Variants in SPIRE1 observed in about 807,000 individuals in gnomAD.
SPIRE1 encodes spire type actin nucleation factor 1.
A neutral mutation model predicts 94.1 loss-of-function variants in SPIRE1; 40 were observed. The ratio of observed to expected loss-of-function variants is 0.43; its 90% CI spans 0.33 to 0.55. The LOEUF is 0.55. SPIRE1 is among the 20% of genes least tolerant of loss of function. The pLI is 0.06. For missense variants in SPIRE1, 838 were observed against 975.2 expected (o/e 0.86, Z 1.87); for synonymous variants, 376 against 371.7 (o/e 1.01, Z -0.13).
intron 10 of SPIRE1, among the ~76,000 whole-genome samples, chr18:12,479,268 G>A (rs986817404): frequency 1.7e-4 from 25 of 148,292 alleles, no homozygotes; most frequent in Admixed American, 1.4e-4. Flanking sequence ...TTGAACTCCT[G>A]GGCTCAAGGA....
chr18:12,597,265 A>G (rs1408239040), intron 2 of SPIRE1, among the ~76,000 whole-genome samples: 2 of 151,664 alleles, frequency 1.3e-5, no homozygotes, highest in African/African-American at 2.4e-5. Context: ...ATAACCCCCC[A>G]AAGTTGAAAG....
chr18:12,583,378 C>T (rs371762590), intron 2 of SPIRE1, among the ~76,000 whole-genome samples: 103 of 152,218 alleles, frequency 6.8e-4, no homozygotes, highest in African/African-American at 2.1e-3. Flanking sequence ...CCAAGGCAGG[C>T]GGATCATGAG....
intron 12 of SPIRE1, 159 bp from the exon 13 acceptor site, chr18:12,454,642 C>T: frequency 1.6e-6 from 1 of 631,848 alleles, no homozygotes; most frequent in Non-Finnish European, 2.8e-6. Context: ...GGGACCACAT[C>T]ATTTCCAATT....
At chr18:12,455,146 C>T (rs1457678920) in intron 12 of SPIRE1, among the ~76,000 whole-genome samples, 2 of 152,110 alleles carry the variant, frequency 1.3e-5, no homozygotes, top group East Asian at 3.8e-4. Context: ...CCATGTTGCC[C>T]AGGCTGGTCT....
At chr18:12,501,508 C>T (rs1013458543) in intron 6 of SPIRE1, among the ~76,000 whole-genome samples, 9 of 152,188 alleles carry the variant, frequency 5.9e-5, no homozygotes, top group Admixed American at 1.3e-4. Flanking sequence ...CTCAGCCTCC[C>T]GAGTGGCTGG....
intron 6 of SPIRE1, among the ~76,000 whole-genome samples, chr18:12,503,784 G>A (rs1459973264): frequency 6.9e-6 from 1 of 144,738 alleles, no homozygotes; most frequent in East Asian, 1.9e-4. Flanking sequence ...AATACAAACA[G>A]CTAGCACAGA....
chr18:12,634,014 C>T (rs1297248078), intron 2 of SPIRE1, among the ~76,000 whole-genome samples: 3 of 152,022 alleles, frequency 2.0e-5, no homozygotes, highest in East Asian at 1.9e-4. Context: ...TTTGGGAGGC[C>T]GAGGCGGGCG....
intron 8 of SPIRE1, among the ~76,000 whole-genome samples, chr18:12,492,663 T>C (rs1416369680): frequency 3.3e-5 from 5 of 152,168 alleles, no homozygotes; most frequent in South Asian, 4.1e-4. Flanking sequence ...TTTTTTACCA[T>C]AATCCTATTT....
chr18:12,614,243 AGAGT>A (rs1321244738), intron 2 of SPIRE1, among the ~76,000 whole-genome samples: 2 of 152,246 alleles, frequency 1.3e-5, no homozygotes, highest in African/African-American at 4.8e-5. Flanking sequence ...CCTAGGCAAC[AGAGT>A]GAGAACCCAT....
intron 2 of SPIRE1, among the ~76,000 whole-genome samples, chr18:12,589,798 A>T (rs1188315762): frequency 6.6e-6 from 1 of 152,192 alleles, no homozygotes; most frequent in Non-Finnish European, 1.5e-5. Context: ...TACTCATTTT[A>T]TCTATGTCAA....
At chr18:12,491,157 C>T (rs2033219620) in intron 8 of SPIRE1, among the ~76,000 whole-genome samples, 1 of 151,202 alleles carries the variant, frequency 6.6e-6, no homozygotes, top group South Asian at 2.1e-4. Context: ...AACTATGAGA[C>T]AGAAACAAAT....
In SPIRE1 at chr18:12,479,768, C is replaced by T. The variant is rs1055985589; in HGVS notation, c.1335G>A (p.Gln445=). 4 of 1,614,038 alleles carry T rather than the reference C, an allele frequency of 2.5e-6. No individual in the cohort carries two copies. The African/African-American group carries it at 5.3e-5, about 22-fold the overall frequency. ...TKENGLSTSQ[Q]VPAQRKKLLR... is the part of the protein sequence containing the mutation. Reference sequence around the variant, plus strand: ...GGAGCTTCTTCCGCTGTGCAGGCACCTGCTGTGAGGTACTTAACCCGTTTT... The same window carrying T: ...GGAGCTTCTTCCGCTGTGCAGGCACTTGCTGTGAGGTACTTAACCCGTTTT... The change falls in exon 10 of 17, where the codon CAG becomes CAA. Residue 445 remains glutamine, a synonymous_variant. Transcript: ENST00000409402.
intron 12 of SPIRE1, chr18:12,459,802 A>G (rs2031694567): frequency 1.0e-6 from 1 of 985,920 alleles, no homozygotes; most frequent in Non-Finnish European, 1.2e-6. Flanking sequence ...CACAGATAAT[A>G]CATAGCCCCT....
At chr18:12,510,082 C>CT (rs2033984179) in intron 5 of SPIRE1, among the ~76,000 whole-genome samples, 1 of 140,226 alleles carries the variant, frequency 7.1e-6, no homozygotes, top group African/African-American at 2.7e-5. Context: ...AAGACTCCAT[C>CT]TAAAAAAAAA....
intron 4 of SPIRE1, among the ~76,000 whole-genome samples, chr18:12,518,088 G>A (rs9965591): frequency 7.3e-4 from 111 of 152,252 alleles, no homozygotes; most frequent in African/African-American, 2.4e-3. Context: ...ATGGCTCACC[G>A]CAGCCTCAAC....
At chr18:12,650,082 T>C (rs552579971) in intron 1 of SPIRE1, among the ~76,000 whole-genome samples, 33 of 151,918 alleles carry the variant, frequency 2.2e-4, no homozygotes, top group Non-Finnish European at 3.4e-4. Context: ...CTACTAAAAA[T>C]ACAAAAATTA....
intron 2 of SPIRE1, among the ~76,000 whole-genome samples, chr18:12,625,385 T>C (rs1216619602): frequency 2.6e-5 from 4 of 152,210 alleles, no homozygotes; most frequent in African/African-American, 9.7e-5. Flanking sequence ...AAGGAGAAAA[T>C]GCTGTTGTTA....
At chr18:12,467,967 G>A (rs1364282778) in intron 10 of SPIRE1, among the ~76,000 whole-genome samples, 1 of 151,802 alleles carries the variant, frequency 6.6e-6, no homozygotes, top group African/African-American at 2.4e-5. Context: ...AAAAAAAAAA[G>A]AAATATTTTT....
chr18:12,525,103 C>T (rs533868717), intron 4 of SPIRE1, among the ~76,000 whole-genome samples: 47 of 151,378 alleles, frequency 3.1e-4, no homozygotes, highest in South Asian at 1.7e-3. Context: ...GGTGAAACCC[C>T]GTCTCTACTA....
Sources: allele counts gnomAD v4.1 joint callset (sites outside exome capture counted in the v4.1 genomes callset), GRCh38; gene constraint gnomAD v4.1.1; transcripts MANE v1.5; gene names NCBI Gene and HGNC (gene_info 2026-07-23, HGNC 2026-07-21).